The following MACO1 variants were observed in gnomAD, a reference collection of about 807,000 sequenced individuals.
The protein encoded by MACO1 is macoilin 1, also known as macoilin.
MACO1 carries 14 observed loss-of-function variants against 78.7 expected under a neutral mutation model. The ratio of observed to expected loss-of-function variants is 0.18; its 90% CI spans 0.12 to 0.28. The LOEUF (loss-of-function observed/expected upper bound fraction) is 0.28, where lower values mean the gene tolerates loss of function less well. Among genes scored for constraint, MACO1 ranks in the 10% least tolerant of loss-of-function variants. MACO1 has a pLI of 1.00. For missense variants in MACO1, 501 were observed against 799.0 expected, an observed-to-expected ratio of 0.63 and a Z score of 4.50; for synonymous variants, 288 against 291.6, an observed-to-expected ratio of 0.99 and a Z score of 0.12.
intron 8 of MACO1, 53 bp from the exon 9 acceptor site, chr1:25,489,120 C>G: frequency 6.3e-7 from 1 of 1,576,548 alleles, no homozygotes; most frequent in Non-Finnish European, 8.6e-7. Context: ...AGGGCCCAGC[C>G]CCAACCTATA....
Position 25,484,070 on chromosome 1 carries a change from G to A in MACO1, c.1155-46G>A, listed in dbSNP as rs369907491. ...CCCACCAGGTCCCTCCCAGCTCTGT[G>A]GGTGCCCTCACCTAGATGAAAATGC... On this transcript the variant is annotated intron_variant, in intron 6 of 10. Transcript: ENST00000374343. The A allele has an allele frequency of 3.8e-6, 6 of 1,566,040 alleles. No homozygotes were observed. In the African/African-American group the frequency reaches 8.2e-5, roughly 21 times the overall value.
In MACO1 at chr1:25,499,440, GTTTT is replaced by G. The variant is rs1181540425; in HGVS notation, c.*984_*987del. 11 of 142,006 alleles carry G rather than the reference GTTTT, an allele frequency of 7.7e-5. No individual in the cohort carries two copies. The highest frequency in any genetic ancestry group is 2.8e-4 in the African/African-American group (11 of 38,618). The allele number at this position is 142,006 out of a possible 1,614,324, so 8.8% of individuals were successfully genotyped here. ...TGGCTAATAAAAGCTGCGGGTCTAG[GTTTT>G]TTTTTTTTTGTTTTGTTTTTTCATT... On this transcript the variant is annotated 3_prime_UTR_variant, in exon 11 of 11. Transcript: ENST00000374343.
intron 1 of MACO1, among the ~76,000 whole-genome samples, chr1:25,445,339 T>G (rs1557659631): frequency 6.6e-6 from 1 of 151,970 alleles, no homozygotes; most frequent in Non-Finnish European, 1.5e-5. Flanking sequence ...GTGATTTGCT[T>G]TGGATTCCTT....
At chr1:25,443,478 T>A (rs1344414479) in intron 1 of MACO1, among the ~76,000 whole-genome samples, 1 of 152,234 alleles carries the variant, frequency 6.6e-6, no homozygotes, top group Non-Finnish European at 1.5e-5. Flanking sequence ...ATACCTGTAC[T>A]TCTAAACTGT....
chr1:25,467,836 TAGA>T (rs915770427), intron 6 of MACO1, among the ~76,000 whole-genome samples: 2 of 151,702 alleles, frequency 1.3e-5, no homozygotes, highest in Non-Finnish European at 2.9e-5. Context: ...AAATGAACCC[TAGA>T]AGATTACATG....
At position 25,458,494 on chromosome 1, in the gene MACO1, C is replaced by T. The variant is rs751474474; in HGVS notation, c.756C>T (p.Tyr252=). Residue 252 remains tyrosine (Y), a synonymous_variant, in exon 6 of 11, where the codon TAC becomes TAT. Coordinates refer to ENST00000374343, the MANE Select transcript of MACO1 (RefSeq NM_018202.6). The part of the protein sequence containing the change: ...KLSTTLPEIE[Y]REKGKEKDKD... ...CCACAACTTTGCCAGAGATAGAATA[C>T]CGAGAAAAAGGGAAAGAAAAGGACA... is the stretch of plus-strand genomic sequence containing the variant. 1.2e-6 allele frequency: 2 copies of T among 1,613,378 alleles called. No individual in the cohort carries two copies. The highest frequency in any genetic ancestry group is 2.2e-5 in the South Asian group (2 of 91,020).
chr1:25,453,562 T>C (rs1423586855), intron 3 of MACO1, among the ~76,000 whole-genome samples: 1 of 149,284 alleles, frequency 6.7e-6, no homozygotes, highest in Admixed American at 6.7e-5. Flanking sequence ...ATTTGAGAGG[T>C]TGAGGCAGGA....
chr1:25,431,222 C>G (rs773314551), intron 1 of MACO1, 44 bp downstream of exon 1: 44 of 1,482,100 alleles, frequency 3.0e-5, no homozygotes, highest in Non-Finnish European at 4.0e-5. Context: ...GCCCTGCGGT[C>G]CCCCTCCAGC....
At chr1:25,431,309 G>A in intron 1 of MACO1, 131 bp downstream of exon 1, 1 of 448,102 alleles carries the variant, frequency 2.2e-6, no homozygotes. Context: ...AGGAGCGCTG[G>A]CCCCGGAGCC....
intron 6 of MACO1, among the ~76,000 whole-genome samples, chr1:25,469,009 T>A (rs2043243418): frequency 6.6e-6 from 1 of 152,002 alleles, no homozygotes; most frequent in South Asian, 2.1e-4. Flanking sequence ...CTGGCTAATT[T>A]TTTTATTTTT....
chr1:25,461,659 T>A (rs961243366), intron 6 of MACO1, among the ~76,000 whole-genome samples: 1 of 152,128 alleles, frequency 6.6e-6, no homozygotes, highest in African/African-American at 2.4e-5. Flanking sequence ...TTTGATAAAC[T>A]TTTCATATAG....
chr1:25,431,307 T>G, intron 1 of MACO1, 129 bp downstream of exon 1: 17 of 400,382 alleles, frequency 4.2e-5, no homozygotes, highest in East Asian at 1.6e-4. Flanking sequence ...TAAGGAGCGC[T>G]GGCCCCGGAG....
chr1:25,481,499 C>G (rs1303886885), intron 6 of MACO1, among the ~76,000 whole-genome samples: 1 of 152,126 alleles, frequency 6.6e-6, no homozygotes, highest in Non-Finnish European at 1.5e-5. Flanking sequence ...AGGCTTAGCC[C>G]CTATTTTCAC....
chr1:25,431,275 A>C, intron 1 of MACO1, 97 bp downstream of exon 1: 3 of 805,080 alleles, frequency 3.7e-6, no homozygotes, highest in East Asian at 4.8e-5. Context: ...AGTAGGCCGC[A>C]CGCCCGCGCC....
chr1:25,433,688 C>G (rs190288611), intron 1 of MACO1, among the ~76,000 whole-genome samples: 1 of 152,202 alleles, frequency 6.6e-6, no homozygotes, highest in Non-Finnish European at 1.5e-5. Flanking sequence ...GACCCAGGAT[C>G]AGACTCAAAA....
intron 7 of MACO1, 98 bp downstream of exon 7, chr1:25,484,372 C>G: frequency 8.0e-7 from 1 of 1,245,228 alleles, no homozygotes; most frequent in Non-Finnish European, 1.1e-6. Context: ...TGACAGAGAC[C>G]TGCTGAGAGG....
chr1:25,486,147 G>A (rs913298639), intron 8 of MACO1, among the ~76,000 whole-genome samples: 2 of 152,168 alleles, frequency 1.3e-5, no homozygotes, highest in African/African-American at 4.8e-5. Context: ...GTTCCCTTTA[G>A]AGAGCTATCA....
intron 6 of MACO1, among the ~76,000 whole-genome samples, chr1:25,460,100 G>A (rs1269917475): frequency 1.3e-5 from 2 of 152,230 alleles, no homozygotes; most frequent in East Asian, 1.9e-4. Context: ...TTTCTGATTG[G>A]CAGTTAAACT....
chr1:25,474,658 G>T (rs1295777504), intron 6 of MACO1, among the ~76,000 whole-genome samples: 1 of 152,144 alleles, frequency 6.6e-6, no homozygotes, highest in Non-Finnish European at 1.5e-5. Context: ...GGGCCTTCTG[G>T]CATTCCTCAA....
Sources: allele counts gnomAD v4.1 joint callset (sites outside exome capture counted in the v4.1 genomes callset), GRCh38; gene constraint gnomAD v4.1.1; transcripts MANE v1.5; gene names NCBI Gene and HGNC (gene_info 2026-07-23, HGNC 2026-07-21).